Variants in SDK1 observed in about 807,000 individuals in gnomAD.
SDK1 encodes protein sidekick-1.
SDK1 carries 157 observed loss-of-function variants against 245.5 expected under a neutral mutation model. That is an observed-to-expected ratio of 0.64 (90% CI 0.56 to 0.73). The LOEUF (loss-of-function observed/expected upper bound fraction) is 0.73, where lower values mean the gene tolerates loss of function less well. Ranked by LOEUF, SDK1 falls within the 30% of genes least tolerant of loss-of-function variation. SDK1 has a pLI of 0.00. For missense variants in SDK1, 3,583 were observed against 3,002.3 expected (o/e 1.19, Z -4.52); for synonymous variants, 1,647 against 1,278.5 (o/e 1.29, Z -6.15).
chr7:3,788,349 G>C (rs1780971754), intron 4 of SDK1, among the ~76,000 whole-genome samples: 1 of 152,284 alleles, frequency 6.6e-6, no homozygotes, highest in East Asian at 1.9e-4. Context: ...AACTCCACAA[G>C]GAGTTTGAGA....
intron 1 of SDK1, among the ~76,000 whole-genome samples, chr7:3,532,570 A>C (rs932382433): frequency 2.0e-5 from 3 of 152,214 alleles, no homozygotes; most frequent in Non-Finnish European, 4.4e-5. Context: ...TTAAGACCCA[A>C]GTCTTCTGTC....
At chr7:3,631,459 G>C (rs1782285277) in intron 2 of SDK1, among the ~76,000 whole-genome samples, 1 of 152,126 alleles carries the variant, frequency 6.6e-6, no homozygotes, top group African/African-American at 2.4e-5. Flanking sequence ...GTTTATGTCA[G>C]CTCTCTTTTT....
At chr7:3,391,637 T>C (rs1019054750) in intron 1 of SDK1, among the ~76,000 whole-genome samples, 7 of 100,922 alleles carry the variant, frequency 6.9e-5, no homozygotes, top group African/African-American at 4.0e-4. Context: ...GTTAACTGAT[T>C]TTTTTTTTTT....
At chr7:3,642,482 GT>G (rs997306224) in intron 4 of SDK1, among the ~76,000 whole-genome samples, 62 of 151,874 alleles carry the variant, frequency 4.1e-4, no homozygotes, top group African/African-American at 1.2e-3. Flanking sequence ...GTGCTGTGGG[GT>G]TTTTTTTCCC....
rs573971644 is a variant in SDK1, at chr7:4,205,913, C to G, written c.5133C>G (p.Thr1711=). 27 of 1,558,656 alleles carry G rather than the reference C, an allele frequency of 1.7e-5. No individual in the cohort carries two copies. Among genetic ancestry groups the G allele is most frequent in the Non-Finnish European group, 2.3e-5 (27 of 1,150,726 alleles). The change falls in exon 36 of 45, where the codon ACC becomes ACG. Residue 1711 remains threonine (T), a synonymous_variant. Coordinates refer to ENST00000404826, the MANE Select transcript of SDK1 (RefSeq NM_152744.4). ...TGGCCCCGCAGAACGTGCAGGTGAC[C>G]CCACTCACGGCCAGCCAGCTGGAGG... is the stretch of plus-strand genomic sequence containing the variant. ...PAMAPQNVQV[T]PLTASQLEVT...
At chr7:3,351,428 A>G (rs1011706902) in intron 1 of SDK1, among the ~76,000 whole-genome samples, 1 of 152,176 alleles carries the variant, frequency 6.6e-6, no homozygotes, top group South Asian at 2.1e-4. Context: ...AAAGCACACA[A>G]TAACATGATA....
chr7:3,374,423 T>G (rs1286137276), intron 1 of SDK1, among the ~76,000 whole-genome samples: 3 of 152,174 alleles, frequency 2.0e-5, no homozygotes, highest in African/African-American at 7.2e-5. Flanking sequence ...TTGTCAAGTC[T>G]TTGGAGGTTG....
intron 22 of SDK1, among the ~76,000 whole-genome samples, chr7:4,097,777 G>T (rs1452027706): frequency 6.6e-6 from 1 of 152,142 alleles, no homozygotes; most frequent in African/African-American, 2.4e-5. Flanking sequence ...GTATCTGTCA[G>T]CATTTCGGTC....
intron 1 of SDK1, among the ~76,000 whole-genome samples, chr7:3,437,356 C>A (rs1018810791): frequency 1.3e-5 from 2 of 152,034 alleles, no homozygotes; most frequent in East Asian, 3.8e-4. Flanking sequence ...ATGCGAGTTT[C>A]TATAAAGAAT....
intron 1 of SDK1, among the ~76,000 whole-genome samples, chr7:3,310,936 G>A (rs971066109): frequency 5.9e-5 from 9 of 152,170 alleles, no homozygotes; most frequent in Non-Finnish European, 1.2e-4. Flanking sequence ...TGATTGATAT[G>A]ATTGTAGGTA....
intron 35 of SDK1, among the ~76,000 whole-genome samples, chr7:4,199,786 G>T (rs1783784521): frequency 6.6e-6 from 1 of 152,108 alleles, no homozygotes; most frequent in Non-Finnish European, 1.5e-5. Flanking sequence ...CCTGTGCTCA[G>T]TCAGAACTTA....
At chr7:3,815,694 A>C (rs1333868638) in intron 4 of SDK1, among the ~76,000 whole-genome samples, 1 of 152,060 alleles carries the variant, frequency 6.6e-6, no homozygotes, top group Non-Finnish European at 1.5e-5. Context: ...GAATGGTACC[A>C]GTTCCTCCAA....
At chr7:4,176,285 C>A (rs879907916) in intron 34 of SDK1, among the ~76,000 whole-genome samples, 9 of 152,044 alleles carry the variant, frequency 5.9e-5, no homozygotes, top group Admixed American at 5.2e-4. Context: ...CCTCAGCCCC[C>A]CAAGTAGCTG....
intron 5 of SDK1, among the ~76,000 whole-genome samples, chr7:3,892,484 C>G (rs777047716): frequency 2.0e-5 from 3 of 152,158 alleles, no homozygotes; most frequent in Non-Finnish European, 4.4e-5. Flanking sequence ...CCTCCTCCCA[C>G]AAGTCATATG....
At chr7:3,584,546 C>T (rs555108790) in intron 1 of SDK1, among the ~76,000 whole-genome samples, 2 of 152,274 alleles carry the variant, frequency 1.3e-5, no homozygotes, top group East Asian at 3.9e-4. Context: ...TCAATGGGAA[C>T]CAGGAAGGAT....
At chr7:4,072,154 G>A (rs1187486664) in intron 20 of SDK1, among the ~76,000 whole-genome samples, 1 of 152,226 alleles carries the variant, frequency 6.6e-6, no homozygotes, top group Non-Finnish European at 1.5e-5. Flanking sequence ...GTTAAAAGCA[G>A]CAGTCTGTTG....
intron 17 of SDK1, among the ~76,000 whole-genome samples, chr7:4,033,068 T>C (rs1787949352): frequency 6.6e-6 from 1 of 152,182 alleles, no homozygotes; most frequent in Non-Finnish European, 1.5e-5. Context: ...TTAAAACATA[T>C]TGTAAAGTGC....
At chr7:3,589,688 CATCAG>C (rs750635208) in intron 1 of SDK1, among the ~76,000 whole-genome samples, 17 of 152,140 alleles carry the variant, frequency 1.1e-4, no homozygotes, top group Admixed American at 2.6e-4. Context: ...TTTATAAAAC[CATCAG>C]ATCTTTGAGG....
At chr7:3,870,837 G>C (rs1204662986) in intron 5 of SDK1, among the ~76,000 whole-genome samples, 1 of 152,144 alleles carries the variant, frequency 6.6e-6, no homozygotes. Flanking sequence ...GTTGCATTTA[G>C]TTGTTTTATG....
Sources: allele counts gnomAD v4.1 joint callset (sites outside exome capture counted in the v4.1 genomes callset), GRCh38; gene constraint gnomAD v4.1.1; transcripts MANE v1.5; gene names NCBI Gene and HGNC (gene_info 2026-07-23, HGNC 2026-07-21).